Variants in CNTNAP2 observed in about 807,000 individuals in gnomAD.
CNTNAP2 encodes the protein contactin associated protein 2, also known as contactin-associated protein-like 2.
CNTNAP2 carries 98 observed loss-of-function variants against 155.2 expected under a neutral mutation model. That is an observed-to-expected ratio of 0.63 (90% CI 0.54 to 0.75). CNTNAP2 has a LOEUF of 0.75. Among genes scored for constraint, CNTNAP2 ranks in the 30% least tolerant of loss-of-function variants. The pLI, the probability that CNTNAP2 is intolerant of heterozygous loss-of-function variation, is 0.00. For missense variants in CNTNAP2, 1,727 were observed against 1,688.1 expected, an observed-to-expected ratio of 1.02 and a Z score of -0.40; for synonymous variants, 651 against 631.2, an observed-to-expected ratio of 1.03 and a Z score of -0.47.
chr7:147,474,744 T>C (rs1211121133), intron 10 of CNTNAP2, among the ~76,000 whole-genome samples: 2 of 152,016 alleles, frequency 1.3e-5, no homozygotes, highest in Non-Finnish European at 2.9e-5. Flanking sequence ...ACCAGGAAAA[T>C]GCATAACCTG....
chr7:147,724,139 T>C (rs1021080643), intron 13 of CNTNAP2, among the ~76,000 whole-genome samples: 1 of 152,030 alleles, frequency 6.6e-6, no homozygotes, highest in Non-Finnish European at 1.5e-5. Flanking sequence ...TTAGAAATCA[T>C]CTAGTTTATT....
At chr7:146,331,513 T>G (rs1801187531) in intron 1 of CNTNAP2, among the ~76,000 whole-genome samples, 1 of 152,086 alleles carries the variant, frequency 6.6e-6, no homozygotes, top group Non-Finnish European at 1.5e-5. Context: ...ATTACAGGTC[T>G]AGTGACTCAT....
intron 13 of CNTNAP2, among the ~76,000 whole-genome samples, chr7:147,896,237 C>T (rs12530525): frequency 0.024 from 3,618 of 152,222 alleles, 45 homozygotes; most frequent in Middle Eastern, 0.037. Context: ...TAATAAGAGT[C>T]CCTCTCTACT....
chr7:146,288,134 C>A (rs1335576626), intron 1 of CNTNAP2, among the ~76,000 whole-genome samples: 1 of 151,424 alleles, frequency 6.6e-6, no homozygotes, highest in East Asian at 1.9e-4. Flanking sequence ...CCCGTCTCTA[C>A]TAAAAATTAA....
intron 22 of CNTNAP2, among the ~76,000 whole-genome samples, chr7:148,409,168 A>T (rs1034935039): frequency 6.6e-6 from 1 of 152,156 alleles, no homozygotes; most frequent in East Asian, 1.9e-4. Context: ...TCCAAGTGGG[A>T]AGTCGTGTTT....
At chr7:146,502,341 A>G (rs1270957171) in intron 1 of CNTNAP2, among the ~76,000 whole-genome samples, 2 of 149,638 alleles carry the variant, frequency 1.3e-5, no homozygotes, top group Non-Finnish European at 3.0e-5. Flanking sequence ...TAGTGCCGCA[A>G]TGAACACAGG....
At position 148,278,526 on chromosome 7, in the gene CNTNAP2, C is replaced by T. The variant is rs189606499; in HGVS notation, c.3475+11400C>T. 8.7e-4 allele frequency among the ~76,000 whole-genome samples: 128 copies of T among 146,758 alleles called. 1 individual carries two copies. Among genetic ancestry groups the T allele is most frequent in the African/African-American group, 2.0e-3 (81 of 39,532 alleles). On this transcript the variant is annotated intron_variant, in intron 21 of 23. Transcript: ENST00000361727. ...TGGAGCTTGCAGTAAGCCGAGATCGCGCCACTGCACTCCAGCCTGGGCAAC... is the reference window on the plus strand; with the variant it reads ...TGGAGCTTGCAGTAAGCCGAGATCGTGCCACTGCACTCCAGCCTGGGCAAC...
At chr7:147,808,711 A>G (rs1240598890) in intron 13 of CNTNAP2, among the ~76,000 whole-genome samples, 1 of 152,216 alleles carries the variant, frequency 6.6e-6, no homozygotes, top group African/African-American at 2.4e-5. Context: ...TTCTAATGTG[A>G]AATTCCTTCT....
chr7:147,820,516 T>A (rs1339273811), intron 13 of CNTNAP2, among the ~76,000 whole-genome samples: 2 of 152,184 alleles, frequency 1.3e-5, no homozygotes, highest in Admixed American at 1.3e-4. Context: ...GTCTTTAATT[T>A]TGATTAAGTT....
intron 1 of CNTNAP2, among the ~76,000 whole-genome samples, chr7:146,515,338 A>G (rs1454272875): frequency 6.6e-6 from 1 of 152,058 alleles, no homozygotes; most frequent in Non-Finnish European, 1.5e-5. Context: ...TTCCAGTGAG[A>G]CACATATGTG....
chr7:146,656,175 A>G (rs1799993240), intron 1 of CNTNAP2, among the ~76,000 whole-genome samples: 1 of 152,216 alleles, frequency 6.6e-6, no homozygotes, highest in African/African-American at 2.4e-5. Flanking sequence ...TTCAACGTTT[A>G]TGGTCTTTTG....
intron 18 of CNTNAP2, among the ~76,000 whole-genome samples, chr7:148,181,353 TAAAG>T (rs1795035511): frequency 6.6e-6 from 1 of 151,846 alleles, no homozygotes; most frequent in Non-Finnish European, 1.5e-5. Context: ...GCTTAAAAAA[TAAAG>T]AGAGAAGGAA....
rs570755265 is a variant in CNTNAP2, at chr7:148,026,214, C to T, written c.2383+48225C>T. ...CTGTAATCCCAGCACTTTGGGAGGC[C>T]GAGGCAGGCAGATTGCTTGAGCTCA... On this transcript the variant is annotated intron_variant, in intron 15 of 23. Transcript: ENST00000361727. Among the ~76,000 whole-genome samples, 16 of 152,040 alleles carry T rather than the reference C, an allele frequency of 1.1e-4. No homozygotes were observed. In the South Asian group the frequency reaches 2.5e-3, roughly 24 times the overall value.
intron 1 of CNTNAP2, among the ~76,000 whole-genome samples, chr7:146,572,352 G>A (rs1222806204): frequency 1.3e-5 from 2 of 149,304 alleles, no homozygotes; most frequent in Non-Finnish European, 3.0e-5. Context: ...TGCCTCCTGA[G>A]TTTGAAGACT....
intron 13 of CNTNAP2, among the ~76,000 whole-genome samples, chr7:147,700,193 C>G (rs923892629): frequency 6.6e-6 from 1 of 152,038 alleles, no homozygotes; most frequent in African/African-American, 2.4e-5. Flanking sequence ...AAAAAGTAAA[C>G]GTAGATATGT....
intron 1 of CNTNAP2, among the ~76,000 whole-genome samples, chr7:146,616,421 C>G (rs898357684): frequency 1.3e-5 from 2 of 152,072 alleles, no homozygotes; most frequent in Non-Finnish European, 2.9e-5. Flanking sequence ...GTGAAATTTG[C>G]AGTGAGGATG....
intron 11 of CNTNAP2, among the ~76,000 whole-genome samples, chr7:147,488,358 T>C (rs1219832675): frequency 1.3e-5 from 2 of 152,214 alleles, no homozygotes; most frequent in African/African-American, 4.8e-5. Context: ...CATTTGACTT[T>C]TCTTGCACTT....
intron 8 of CNTNAP2, among the ~76,000 whole-genome samples, chr7:147,140,347 C>A (rs900583834): frequency 4.6e-5 from 7 of 151,896 alleles, no homozygotes; most frequent in Non-Finnish European, 1.0e-4. Flanking sequence ...CTGTTCCCTG[C>A]CTGGATATTG....
At chr7:148,072,654 T>G (rs983756921) in intron 15 of CNTNAP2, among the ~76,000 whole-genome samples, 4 of 152,206 alleles carry the variant, frequency 2.6e-5, no homozygotes. Flanking sequence ...CTACAGGTTT[T>G]CTGACCCTCA....
Sources: allele counts gnomAD v4.1 joint callset (sites outside exome capture counted in the v4.1 genomes callset), GRCh38; gene constraint gnomAD v4.1.1; transcripts MANE v1.5; gene names NCBI Gene and HGNC (gene_info 2026-07-23, HGNC 2026-07-21).